Variants in TMTC1 observed in about 807,000 individuals in gnomAD.
The protein encoded by TMTC1 is protein O-mannosyl-transferase TMTC1.
In TMTC1, 73 loss-of-function variants were observed where a neutral mutation model predicts 104.8. The observed-to-expected ratio is 0.70, with a 90% CI of 0.58 to 0.85. The LOEUF is 0.85. Among genes scored for constraint, TMTC1 ranks in the 40% least tolerant of loss-of-function variants. TMTC1 has a pLI of 0.00. For synonymous variants in TMTC1, 434 were observed against 428.7 expected (o/e 1.01, Z -0.15); for missense variants, 1,035 against 1,096.1 (o/e 0.94, Z 0.79).
intron 7 of TMTC1, among the ~76,000 whole-genome samples, chr12:29,593,471 G>GT (rs1288022117): frequency 2.0e-5 from 3 of 152,110 alleles, no homozygotes; most frequent in African/African-American, 7.2e-5. Context: ...TTCATTATAA[G>GT]TTTTTTAAGA....
chr12:29,530,700 A>G (rs965090590), intron 11 of TMTC1, among the ~76,000 whole-genome samples: 6 of 152,150 alleles, frequency 3.9e-5, no homozygotes, highest in Non-Finnish European at 7.4e-5. Context: ...GCGGGAGGCT[A>G]TGCTTCCCAG....
At chr12:29,680,315 A>C (rs1301270030) in intron 5 of TMTC1, among the ~76,000 whole-genome samples, 1 of 152,262 alleles carries the variant, frequency 6.6e-6, no homozygotes, top group Admixed American at 6.5e-5. Flanking sequence ...AATGAGCACC[A>C]CAATGCCCTG....
intron 5 of TMTC1, among the ~76,000 whole-genome samples, chr12:29,689,284 T>C (rs1478306822): frequency 6.6e-6 from 1 of 151,942 alleles, no homozygotes; most frequent in African/African-American, 2.4e-5. Context: ...ATTTTTTGTC[T>C]TTGTTGTTGT....
At chr12:29,756,019 TAAAG>T in intron 3 of TMTC1, 134 bp from the exon 4 acceptor site, 1 of 900,496 alleles carries the variant, frequency 1.1e-6, no homozygotes, top group South Asian at 1.9e-5. Flanking sequence ...AGAGATTTCT[TAAAG>T]AGCCTTCATC....
At chr12:29,721,327 A>G (rs896791338) in intron 5 of TMTC1, among the ~76,000 whole-genome samples, 1 of 105,740 alleles carries the variant, frequency 9.5e-6, no homozygotes, top group African/African-American at 4.8e-5. Flanking sequence ...TAAGAGTCAG[A>G]CCTGAAAGAT....
intron 5 of TMTC1, among the ~76,000 whole-genome samples, chr12:29,682,510 A>G (rs1182783469): frequency 6.6e-6 from 1 of 152,248 alleles, no homozygotes; most frequent in Non-Finnish European, 1.5e-5. Context: ...AATGTACCAC[A>G]GTCTGTGAAT....
In TMTC1 at chr12:29,783,329, G is replaced by A. The variant is rs1336335808; in HGVS notation, c.302+121C>T. 2 of 871,436 alleles carry A rather than the reference G, an allele frequency of 2.3e-6. No homozygotes were observed. Among genetic ancestry groups the A allele is most frequent in the Non-Finnish European group, 3.1e-6 (2 of 654,336 alleles). The allele number at this position is 871,436 out of a possible 1,614,324, so 54.0% of individuals were successfully genotyped here. A position where few individuals can be genotyped will look rare whatever the true frequency, so the allele number is the denominator to read the frequency against. ...TGCACATCCTGGAGAGGAGGGAGGC[G>A]TGGAGGGAAAGGGCGGCAAAAATGA... On this transcript the variant is annotated intron_variant, in intron 1 of 17. Coordinates refer to ENST00000539277, the MANE Select transcript of TMTC1 (RefSeq NM_001193451.2). This position sits in a 1 kb window ranked among gnomAD's most constrained non-coding sequence, Gnocchi z 4.7.
chr12:29,535,979 A>T (rs1215375410), intron 11 of TMTC1: 2 of 510,122 alleles, frequency 3.9e-6, no homozygotes, highest in African/African-American at 4.0e-5. Context: ...GTGAGAGAGA[A>T]TATATCAATG....
chr12:29,578,422 G>C (rs768223754), intron 8 of TMTC1, among the ~76,000 whole-genome samples: 2 of 152,064 alleles, frequency 1.3e-5, no homozygotes, highest in African/African-American at 2.4e-5. Context: ...TAGTCTCCCT[G>C]TTTGCTTTTT....
At chr12:29,621,425 G>A (rs142740347) in intron 6 of TMTC1, among the ~76,000 whole-genome samples, 1,691 of 152,324 alleles carry the variant, frequency 0.011, 15 homozygotes, top group Middle Eastern at 0.048. Flanking sequence ...AATGAAAAAT[G>A]TATGTGACAA....
intron 8 of TMTC1, among the ~76,000 whole-genome samples, chr12:29,579,072 G>A (rs1945903669): frequency 6.6e-6 from 1 of 152,174 alleles, no homozygotes; most frequent in African/African-American, 2.4e-5. Context: ...AGACCTTTTT[G>A]TAAGGTTACA....
intron 7 of TMTC1, among the ~76,000 whole-genome samples, chr12:29,590,357 C>A (rs1356106617): frequency 6.6e-6 from 1 of 152,190 alleles, no homozygotes; most frequent in African/African-American, 2.4e-5. Context: ...TAACACCACA[C>A]AAGACACTAT....
intron 10 of TMTC1, among the ~76,000 whole-genome samples, chr12:29,540,359 A>G (rs1023407542): frequency 2.0e-5 from 3 of 152,202 alleles, no homozygotes; most frequent in African/African-American, 4.8e-5. Context: ...TCTCCCTTTC[A>G]AAGATTTAGA....
chr12:29,626,885 G>A (rs1037627131), intron 6 of TMTC1, among the ~76,000 whole-genome samples: 7 of 152,176 alleles, frequency 4.6e-5, no homozygotes, highest in African/African-American at 1.7e-4. Flanking sequence ...TGGATCACTT[G>A]AGGTCTGGAG....
At position 29,633,172 on chromosome 12, in the gene TMTC1, C is replaced by A; in HGVS notation, c.1103G>T (p.Ser368Ile). The change falls in exon 6 of 18, where the codon AGC (serine) becomes ATC (isoleucine). Residue 368 changes from serine (S) to isoleucine (I), a missense_variant. Transcript: ENST00000539277. ...CTTAAAGGCTGCTAAGCAGTGCAGG[C>A]TCAATAAGGCCATCACAACCGCCAG... The part of the protein sequence containing the change: ...IFLAVVMALL[S>I]LHCLAAFKRL... 2 of 1,613,882 alleles carry A rather than the reference C, an allele frequency of 1.2e-6. No individual in the cohort carries two copies. The highest frequency in any genetic ancestry group is 1.7e-6 in the Non-Finnish European group (2 of 1,179,828).
chr12:29,758,993 C>T (rs302363), intron 2 of TMTC1, among the ~76,000 whole-genome samples: 152,209 of 152,304 alleles, frequency 1, 76,057 homozygotes, highest in Middle Eastern at 1. Context: ...AGAGGATGGA[C>T]GGAAGGGGCA....
intron 11 of TMTC1, among the ~76,000 whole-genome samples, chr12:29,521,526 C>A (rs1307810744): frequency 6.7e-6 from 1 of 150,010 alleles, no homozygotes; most frequent in Non-Finnish European, 1.5e-5. Flanking sequence ...TTTAGTAATT[C>A]TGAGTTACTT....
chr12:29,550,320 T>C (rs1002785830), intron 10 of TMTC1, among the ~76,000 whole-genome samples: 13 of 152,114 alleles, frequency 8.5e-5, no homozygotes, highest in African/African-American at 3.1e-4. Flanking sequence ...GAGATAGGGT[T>C]ATAAATTATG....
At chr12:29,776,126 G>A (rs933926592) in intron 1 of TMTC1, among the ~76,000 whole-genome samples, 2 of 152,186 alleles carry the variant, frequency 1.3e-5, no homozygotes, top group Non-Finnish European at 2.9e-5. Flanking sequence ...ACCTGAGATT[G>A]GAGTGTAGTG....
Sources: gnomAD v4.1 joint callset for allele counts (sites outside exome capture counted in the v4.1 genomes callset) on GRCh38, gnomAD v4.1.1 for gene constraint, Gnocchi (gnomAD v3.1) non-coding constraint, MANE v1.5 for transcripts, NCBI Gene and HGNC (gene_info 2026-07-23, HGNC 2026-07-21) for gene names.